Variants in SINHCAF observed in about 807,000 individuals in gnomAD.
The protein encoded by SINHCAF is SIN3-HDAC complex associated factor.
A neutral mutation model predicts 25.8 loss-of-function variants in SINHCAF; 3 were observed. The observed-to-expected ratio is 0.12, with a 90% CI of 0.05 to 0.30. The LOEUF is 0.30. SINHCAF is among the 10% of genes least tolerant of loss of function. The probability of loss-of-function intolerance (pLI) is 1.00; values close to 1 mark genes in which losing one functional copy is unlikely to be tolerated. For synonymous variants in SINHCAF, 70 were observed against 85.5 expected (o/e 0.82, Z 1.00); for missense variants, 121 against 262.3 (o/e 0.46, Z 3.72).
At position 31,298,571 on chromosome 12, in the gene SINHCAF, T is replaced by C. The variant is rs3782688; in HGVS notation, c.-20-347A>G. ...TGTAAAATAATGAAGCTGTACACAA[T>C]TAAGGATGCATCCTTAAATTTAAGA... On this transcript the variant is annotated intron_variant, in intron 1 of 5. Transcript: ENST00000337682. 0.019 allele frequency: 5,372 copies of C among 280,998 alleles called. 397 individuals are homozygous for C. In the East Asian group the frequency reaches 0.23, roughly 12 times the overall value. 17.4% of individuals were successfully genotyped at this position (280,998 alleles called of 1,614,324 possible). A position where few individuals can be genotyped will look rare whatever the true frequency, so the allele number is the denominator to read the frequency against.
intron 1 of SINHCAF, chr12:31,304,556 T>C (rs1938948685): frequency 6.6e-6 from 1 of 152,210 alleles, no homozygotes; most frequent in African/African-American, 2.4e-5. Flanking sequence ...GGGTGAGACT[T>C]AGGGCTTATT....
chr12:31,303,978 G>A (rs1938918275), intron 1 of SINHCAF: 2 of 152,160 alleles, frequency 1.3e-5, no homozygotes, highest in Non-Finnish European at 2.9e-5. Context: ...CAGGCACTGT[G>A]AGCTACTGCA....
In SINHCAF at chr12:31,324,032, T is replaced by G; in HGVS notation, c.-21+1992A>C. On this transcript the variant is annotated intron_variant, in intron 1 of 5. Transcript: ENST00000337682. This position sits in a 1 kb window ranked among gnomAD's most constrained non-coding sequence, Gnocchi z 5.5. ...CAAGTAAGAATGCTCCCTGGTGGAT[T>G]TGTTGGTAAATAAGACATCTCGCGT... is the stretch of plus-strand genomic sequence containing the variant. The G allele has an allele frequency of 4.4e-6, 2 of 455,276 alleles. No homozygotes were observed. The highest frequency in any genetic ancestry group is 2.3e-5 in the Admixed American group (1 of 42,578). 28.2% of individuals were successfully genotyped at this position (455,276 alleles called of 1,614,324 possible).
Position 31,287,709 on chromosome 12 carries a change from C to T in SINHCAF, c.431G>A (p.Gly144Asp), listed in dbSNP as rs1344727611. The change falls in exon 5 of 6, where the codon GGC becomes GAC. Residue 144 changes from glycine to aspartate, a missense_variant. By Grantham distance (94) the Gly-to-Asp change is moderately conservative. Coordinates refer to ENST00000337682, the MANE Select transcript of SINHCAF (RefSeq NM_001135812.2). ...SPCYSNQSDD[G>D]SDTEMASGSN... ...ACCAGAAGCCATCTCTGTATCTGAG[C>T]CGTCATCTGACTGGTTACTGTAACA... 1 of 1,609,680 alleles carries T rather than the reference C, an allele frequency of 6.2e-7. No individual in the cohort carries two copies. Among genetic ancestry groups the T allele is most frequent in the Non-Finnish European group, 8.5e-7 (1 of 1,177,538 alleles).
At chr12:31,293,610 CTT>C (rs763258885) in intron 4 of SINHCAF, among the ~76,000 whole-genome samples, 193 bp downstream of exon 4, 8 of 152,274 alleles carry the variant, frequency 5.3e-5, no homozygotes, top group East Asian at 1.9e-4. Flanking sequence ...GAAATACTCT[CTT>C]GAGACATCAA....
chr12:31,294,571 C>T (rs975836034), intron 3 of SINHCAF, among the ~76,000 whole-genome samples: 3 of 152,094 alleles, frequency 2.0e-5, no homozygotes, highest in African/African-American at 7.2e-5. Flanking sequence ...CCCATATGGT[C>T]CTGTTTCTTA....
intron 1 of SINHCAF, chr12:31,302,796 C>G: frequency 3.1e-6 from 1 of 321,428 alleles, no homozygotes; most frequent in Non-Finnish European, 4.5e-6. Flanking sequence ...CAGGGTCTGG[C>G]GGAAGGATGA....
chr12:31,285,412 T>C (rs982697500), intron 5 of SINHCAF, among the ~76,000 whole-genome samples: 6 of 66,434 alleles, frequency 9.0e-5, no homozygotes, highest in Admixed American at 4.7e-4. Flanking sequence ...TATTTATATA[T>C]ATACATACAC....
chr12:31,298,289 C>T (rs1217946992), intron 1 of SINHCAF, 65 bp from the exon 2 acceptor site: 2 of 1,584,660 alleles, frequency 1.3e-6, no homozygotes, highest in Non-Finnish European at 1.7e-6. Context: ...TTAAAGAGTT[C>T]TCTCTGCTCC....
Position 31,282,598 on chromosome 12 carries a change from G to T in SINHCAF, c.*114C>A. ...GATCACGCCACTGCACTCCAGCCTG[G>T]GTAACAAGAGCAAAACTCCGTCTCA... is the stretch of plus-strand genomic sequence containing the variant. On this transcript the variant is annotated 3_prime_UTR_variant, in exon 6 of 6. Coordinates refer to ENST00000337682, the MANE Select transcript of SINHCAF (RefSeq NM_001135812.2). The T allele has an allele frequency of 2.2e-6, 2 of 893,610 alleles. No individual in the cohort carries two copies. The highest frequency in any genetic ancestry group is 3.3e-6 in the Non-Finnish European group (2 of 603,758). 55.4% of individuals were successfully genotyped at this position (893,610 alleles called of 1,614,324 possible). A position where few individuals can be genotyped will look rare whatever the true frequency, so the allele number is the denominator to read the frequency against.
chr12:31,325,004 A>G lies in SINHCAF; in HGVS notation c.-21+1020T>C, dbSNP rs1237138921. Reference sequence around the variant, plus strand: ...TCCCACGGCTCACGCGGGGCTGGACATTCGGACAAGGACCAGGGTCGCAGC... The same window carrying G: ...TCCCACGGCTCACGCGGGGCTGGACGTTCGGACAAGGACCAGGGTCGCAGC... On this transcript the variant is annotated intron_variant, in intron 1 of 5. Coordinates refer to ENST00000337682, the MANE Select transcript of SINHCAF (RefSeq NM_001135812.2). The surrounding 1 kb of genome is among the most constrained non-coding windows in gnomAD (Gnocchi z 5.9). 1.5e-5 allele frequency: 7 copies of G among 456,660 alleles called. No individual in the cohort carries two copies. In the East Asian group the frequency reaches 4.2e-4, roughly 27 times the overall value. The allele number at this position is 456,660 out of a possible 1,614,324, so 28.3% of individuals were successfully genotyped here.
chr12:31,297,533 C>T (rs945848671), intron 2 of SINHCAF, among the ~76,000 whole-genome samples: 2 of 134,776 alleles, frequency 1.5e-5, no homozygotes, highest in African/African-American at 2.9e-5. Flanking sequence ...AGTGCAGTGG[C>T]GTGATCTCGG....
At position 31,298,439 on chromosome 12, in the gene SINHCAF, G is replaced by C. The variant is rs1333526879; in HGVS notation, c.-20-215C>G. 12 of 506,736 alleles carry C rather than the reference G, an allele frequency of 2.4e-5. No homozygotes were observed. In the East Asian group the frequency reaches 4.3e-4, roughly 18 times the overall value. The allele number at this position is 506,736 out of a possible 1,614,324, so 31.4% of individuals were successfully genotyped here. A position where few individuals can be genotyped will look rare whatever the true frequency, so the allele number is the denominator to read the frequency against. On this transcript the variant is annotated intron_variant, in intron 1 of 5. Transcript: ENST00000337682. ...AAAGAAAAGCCTAGTTATTTAAGGA[G>C]GACTCTACTACCTCCTAACTCGCCT... is the stretch of plus-strand genomic sequence containing the variant.
At chr12:31,289,484 G>A (rs1253295082) in intron 4 of SINHCAF, among the ~76,000 whole-genome samples, 1 of 152,220 alleles carries the variant, frequency 6.6e-6, no homozygotes, top group Non-Finnish European at 1.5e-5. Flanking sequence ...CAGTTCATTA[G>A]ATGCAGAGCT....
chr12:31,313,653 G>C (rs1440537236), intron 1 of SINHCAF, among the ~76,000 whole-genome samples: 4 of 152,022 alleles, frequency 2.6e-5, no homozygotes, highest in Non-Finnish European at 5.9e-5. Flanking sequence ...TTGTTTGTTT[G>C]TTTGTTTTTT....
In SINHCAF at chr12:31,287,636, T is replaced by C. The variant is rs764245143; in HGVS notation, c.504A>G (p.Lys168=). 3.8e-6 allele frequency: 6 copies of C among 1,590,292 alleles called. No homozygotes were observed. Among genetic ancestry groups the C allele is most frequent in the Non-Finnish European group, 3.4e-6 (4 of 1,165,572 alleles). Residue 168 remains lysine (K), a splice_region_variant and synonymous_variant, in exon 5 of 6, where the codon AAA becomes AAG. Transcript: ENST00000337682. ...GAGAGATACTTTGTTTCTTTTACCTTTTCCAGTAAGTGAGATCTAAAAAGG... is the reference window on the plus strand; with the variant it reads ...GAGAGATACTTTGTTTCTTTTACCTCTTCCAGTAAGTGAGATCTAAAAAGG... The part of the protein sequence containing the change: ...VFSFLDLTYW[K]RQKICCGIIY...
At chr12:31,317,387 G>C (rs1027963080) in intron 1 of SINHCAF, among the ~76,000 whole-genome samples, 10 of 150,982 alleles carry the variant, frequency 6.6e-5, no homozygotes, top group African/African-American at 2.2e-4. Context: ...AAATGTCAAC[G>C]AATTTTCAGA....
intron 1 of SINHCAF, among the ~76,000 whole-genome samples, chr12:31,306,555 G>C (rs561152828): frequency 2.6e-5 from 4 of 152,132 alleles, no homozygotes; most frequent in Non-Finnish European, 5.9e-5. Flanking sequence ...TAAGTCTTGG[G>C]TTTCCTTTAG....
intron 1 of SINHCAF, among the ~76,000 whole-genome samples, chr12:31,307,491 G>A (rs926172305): frequency 2.6e-5 from 4 of 152,064 alleles, no homozygotes; most frequent in African/African-American, 9.7e-5. Context: ...GGAGGTCAAG[G>A]CAGCAGTGAG....
Sources: allele counts gnomAD v4.1 joint callset (sites outside exome capture counted in the v4.1 genomes callset), GRCh38; gene constraint gnomAD v4.1.1; non-coding constraint Gnocchi (gnomAD v3.1); transcripts MANE v1.5; gene names NCBI Gene and HGNC (gene_info 2026-07-23, HGNC 2026-07-21).